The following TULP4 variants were observed in gnomAD, a reference collection of about 807,000 sequenced individuals.
TULP4 encodes TUB like protein 4.
TULP4 carries 16 observed loss-of-function variants against 129.0 expected under a neutral mutation model. The ratio of observed to expected loss-of-function variants is 0.12; its 90% confidence interval spans 0.08 to 0.19. TULP4 has a LOEUF of 0.19. Among genes scored for constraint, TULP4 ranks in the 10% least tolerant of loss-of-function variants. TULP4 has a pLI of 1.00. For missense variants in TULP4, 1,842 were observed against 2,059.1 expected (o/e 0.89, Z 2.04); for synonymous variants, 998 against 854.0 (o/e 1.17, Z -2.94).
intron 1 of TULP4, among the ~76,000 whole-genome samples, chr6:158,368,206 G>C (rs1020329261): frequency 6.6e-6 from 1 of 151,992 alleles, no homozygotes; most frequent in African/African-American, 2.4e-5. Context: ...TATCTGAAGA[G>C]TAATTATCTA....
chr6:158,344,211 A>G (rs1780250090), intron 1 of TULP4, among the ~76,000 whole-genome samples: 1 of 152,150 alleles, frequency 6.6e-6, no homozygotes, highest in South Asian at 2.1e-4. Context: ...CCCAAAACCT[A>G]TAAGAACTAA....
intron 1 of TULP4, among the ~76,000 whole-genome samples, chr6:158,342,947 A>G (rs1780214128): frequency 6.8e-6 from 1 of 147,520 alleles, no homozygotes; most frequent in Non-Finnish European, 1.5e-5. Context: ...TTAAAAATAA[A>G]TGTGTGTGTG....
Position 158,314,159 on chromosome 6 carries a change from C to T in TULP4, c.143C>T (p.Thr48Met), listed in dbSNP as rs748974236. The change falls in exon 1 of 14, where the codon ACG (threonine) becomes ATG (methionine). Residue 48 changes from threonine (T) to methionine (M), a missense_variant. Physicochemically the swap from Thr to Met is moderately conservative, Grantham distance 81 (BLOSUM62 -1). This residue lies in a region of TULP4 where 151 missense variants were observed against 268.7 expected (regional missense o/e 0.56). Transcript: ENST00000367097. Reference sequence around the variant, plus strand: ...TACTATGAGGAAGGCTGGCTGGCCACGGGCAACGGGCGAGGAGTGGTTGGG... The same window carrying T: ...TACTATGAGGAAGGCTGGCTGGCCATGGGCAACGGGCGAGGAGTGGTTGGG... The part of the protein sequence containing the change: ...RRYYEEGWLA[T>M]GNGRGVVGVT... 2.0e-5 allele frequency: 32 copies of T among 1,613,996 alleles called. No homozygotes were observed. The highest frequency in any genetic ancestry group is 2.3e-5 in the Non-Finnish European group (27 of 1,180,028).
At chr6:158,250,344 G>C (rs1778117299) in intron 1 of TULP4, among the ~76,000 whole-genome samples, 1 of 151,526 alleles carries the variant, frequency 6.6e-6, no homozygotes, top group East Asian at 1.9e-4. Context: ...TTTTAGTAGA[G>C]ACTGGATTTC....
intron 1 of TULP4, among the ~76,000 whole-genome samples, chr6:158,392,794 C>CTTTTTTTTGTTTTTTTTTTTTTTTTT (rs1777615484): frequency 1.8e-5 from 1 of 54,642 alleles, no homozygotes; most frequent in African/African-American, 8.7e-5. Flanking sequence ...ATTTGTATTT[C>CTTTTTTTTGTTTTTTTTTTTTTTTTT]TTTTTTTTTT....
At position 158,503,329 on chromosome 6, in the gene TULP4, G is replaced by A; in HGVS notation, c.3666G>A (p.Glu1222=). 1.2e-6 allele frequency: 2 copies of A among 1,613,766 alleles called. No individual in the cohort carries two copies. The highest frequency in any genetic ancestry group is 1.7e-6 in the Non-Finnish European group (2 of 1,179,958). ...ALSPTQFAQQ[E]PAVVLQPLYP... is the part of the protein sequence containing the mutation. ...CCCCAACGCAGTTTGCACAACAGGA[G>A]CCTGCTGTGGTCCTTCAGCCGCTGT... Residue 1222 remains glutamate, a synonymous_variant, in exon 13 of 14, where the codon GAG becomes GAA. Coordinates refer to ENST00000367097, the MANE Select transcript of TULP4 (RefSeq NM_020245.5). The surrounding 1 kb of genome is among the most constrained non-coding windows in gnomAD (Gnocchi z 4.3).
At position 158,313,189 on chromosome 6, in the gene TULP4, G is replaced by T; in HGVS notation, c.-828G>T. The T allele has an allele frequency of 3.4e-6, 1 of 296,318 alleles. No homozygotes were observed. The highest frequency in any genetic ancestry group is 6.1e-6 in the Non-Finnish European group (1 of 162,674). 18.4% of individuals were successfully genotyped at this position (296,318 alleles called of 1,614,324 possible). On this transcript the variant is annotated 5_prime_UTR_variant, in exon 1 of 14. Transcript: ENST00000367097. ...GGAACATTCTGCCTCTTGAGTGAAG[G>T]GGCCTTCTTTCTAGCCTCTATGGCA...
chr6:158,304,823 T>A (rs888571425), intron 1 of TULP4, among the ~76,000 whole-genome samples: 2 of 152,014 alleles, frequency 1.3e-5, no homozygotes, highest in Non-Finnish European at 2.9e-5. Flanking sequence ...TGCATCTCCA[T>A]GTCTGGCTGA....
intron 6 of TULP4, among the ~76,000 whole-genome samples, chr6:158,467,793 TCA>T (rs1779586414): frequency 6.6e-6 from 1 of 152,220 alleles, no homozygotes; most frequent in South Asian, 2.1e-4. Flanking sequence ...TTTCTGTTTC[TCA>T]GTTTACCAGA....
At chr6:158,407,744 T>C (rs1778001442) in intron 1 of TULP4, among the ~76,000 whole-genome samples, 1 of 152,136 alleles carries the variant, frequency 6.6e-6, no homozygotes, top group Non-Finnish European at 1.5e-5. Context: ...AGAGAACATA[T>C]CGTATGATTC....
At chr6:158,435,823 C>T (rs1163808448) in intron 3 of TULP4, among the ~76,000 whole-genome samples, 5 of 152,170 alleles carry the variant, frequency 3.3e-5, no homozygotes, top group Non-Finnish European at 7.3e-5. Context: ...CCCTCCGGTC[C>T]CTCATCTGCA....
upstream of TULP4, among the ~76,000 whole-genome samples, chr6:158,311,857 T>C (rs1779362039): frequency 6.6e-6 from 1 of 152,194 alleles, no homozygotes; most frequent in Admixed American, 6.5e-5. Flanking sequence ...CTCTCATTTG[T>C]TGTGTGTTGT....
At chr6:158,427,442 G>A (rs1012111808) in intron 2 of TULP4, among the ~76,000 whole-genome samples, 5 of 137,982 alleles carry the variant, frequency 3.6e-5, no homozygotes, top group African/African-American at 1.4e-4. Context: ...TACATGAAAT[G>A]GACAAATTCC....
intron 1 of TULP4, among the ~76,000 whole-genome samples, chr6:158,401,480 T>C (rs777136460): frequency 2.0e-5 from 3 of 152,194 alleles, no homozygotes; most frequent in Non-Finnish European, 2.9e-5. Context: ...ACATATTGTG[T>C]GTCAGAAGTG....
At chr6:158,350,759 G>A (rs1373825929) in intron 1 of TULP4, among the ~76,000 whole-genome samples, 2 of 141,048 alleles carry the variant, frequency 1.4e-5, no homozygotes, top group Non-Finnish European at 3.2e-5. Flanking sequence ...TGGGAGAGGG[G>A]AGAGCTTTTT....
At chr6:158,443,083 A>G (rs1778937745) in intron 3 of TULP4, among the ~76,000 whole-genome samples, 1 of 152,134 alleles carries the variant, frequency 6.6e-6, no homozygotes, top group South Asian at 2.1e-4. Context: ...TCCTGGGTTC[A>G]AGCGATTCTT....
intron 1 of TULP4, among the ~76,000 whole-genome samples, chr6:158,248,025 G>C (rs567436042): frequency 1.3e-5 from 2 of 152,328 alleles, no homozygotes; most frequent in East Asian, 3.9e-4. Flanking sequence ...TTAGGCTTCT[G>C]CTGTGCGCAC....
At chr6:158,245,146 C>T (rs1778004167) in intron 1 of TULP4, among the ~76,000 whole-genome samples, 1 of 150,830 alleles carries the variant, frequency 6.6e-6, no homozygotes, top group African/African-American at 2.4e-5. Flanking sequence ...TATCACCACA[C>T]CTGGTCAATT....
chr6:158,356,006 G>A (rs1003541732), intron 1 of TULP4, among the ~76,000 whole-genome samples: 10 of 152,226 alleles, frequency 6.6e-5, no homozygotes, highest in African/African-American at 1.9e-4. Context: ...AGATTTTTGG[G>A]GTGAGAAATC....
Sources: gnomAD v4.1 joint callset for allele counts (sites outside exome capture counted in the v4.1 genomes callset) on GRCh38, gnomAD v4.1.1 for gene constraint, gnomAD v4.1.1 regional missense constraint, Gnocchi (gnomAD v3.1) non-coding constraint, MANE v1.5 for transcripts, NCBI Gene and HGNC (gene_info 2026-07-23, HGNC 2026-07-21) for gene names.